The following ZNF438 variants were observed in gnomAD, a reference collection of about 807,000 sequenced individuals.
ZNF438 encodes the protein zinc finger protein 438.
A neutral mutation model predicts 38.0 loss-of-function variants in ZNF438; 25 were observed. That is an observed-to-expected ratio of 0.66 (90% CI 0.48 to 0.92). The LOEUF is 0.92. Ranked by LOEUF, ZNF438 falls within the 40% of genes least tolerant of loss-of-function variation. The probability of loss-of-function intolerance (pLI) is 0.00; values close to 1 mark genes in which losing one functional copy is unlikely to be tolerated. For missense variants in ZNF438, 1,007 were observed against 999.6 expected, an observed-to-expected ratio of 1.01 and a Z score of -0.10; for synonymous variants, 372 against 364.1, an observed-to-expected ratio of 1.02 and a Z score of -0.25.
At chr10:30,946,120 T>C (rs552523379) in intron 1 of ZNF438, among the ~76,000 whole-genome samples, 2 of 151,904 alleles carry the variant, frequency 1.3e-5, no homozygotes, top group African/African-American at 4.8e-5. Context: ...TGGTATCTCA[T>C]TGTGGTTTTG....
intron 1 of ZNF438, among the ~76,000 whole-genome samples, chr10:30,965,857 A>G (rs1039023138): frequency 3.9e-5 from 6 of 152,172 alleles, no homozygotes; most frequent in Admixed American, 3.9e-4. Flanking sequence ...CCCAAACCTT[A>G]GCATCACACA....
chr10:31,031,162 A>G (rs2057267287), intron 1 of ZNF438, among the ~76,000 whole-genome samples: 1 of 152,182 alleles, frequency 6.6e-6, no homozygotes, highest in South Asian at 2.1e-4. Context: ...TTCCCCTTCT[A>G]CAAGATTCCT....
At chr10:30,878,719 G>C (rs975310133) in intron 3 of ZNF438, among the ~76,000 whole-genome samples, 1 of 152,098 alleles carries the variant, frequency 6.6e-6, no homozygotes, top group African/African-American at 2.4e-5. Context: ...ATGCCCTCTG[G>C]GATTCTGGGG....
chr10:30,873,995 C>T (rs2037914454), intron 4 of ZNF438, among the ~76,000 whole-genome samples: 1 of 151,732 alleles, frequency 6.6e-6, no homozygotes, highest in Non-Finnish European at 1.5e-5. Context: ...AATCAATCTG[C>T]ATTTAATTAA....
chr10:30,882,803 C>T (rs540056734), intron 3 of ZNF438, among the ~76,000 whole-genome samples: 10 of 152,124 alleles, frequency 6.6e-5, no homozygotes, highest in African/African-American at 1.7e-4. Context: ...AGGGTATATA[C>T]GTATATCAAA....
At chr10:31,013,164 A>C (rs1192223316) in intron 1 of ZNF438, among the ~76,000 whole-genome samples, 1 of 151,844 alleles carries the variant, frequency 6.6e-6, no homozygotes, top group Non-Finnish European at 1.5e-5. Context: ...CTAAAAATAC[A>C]AAAAATTAGC....
At chr10:30,978,663 A>G (rs1031797155) in intron 1 of ZNF438, among the ~76,000 whole-genome samples, 2 of 152,164 alleles carry the variant, frequency 1.3e-5, no homozygotes, top group African/African-American at 4.8e-5. Flanking sequence ...ACTGTTTGTC[A>G]CCATACAGTA....
intron 3 of ZNF438, among the ~76,000 whole-genome samples, chr10:30,903,326 AG>A (rs1564613034): frequency 1.3e-5 from 2 of 152,228 alleles, no homozygotes. Context: ...AGAGCGAGTG[AG>A]GGCTGCCAGC....
intron 2 of ZNF438, among the ~76,000 whole-genome samples, chr10:30,917,324 A>G (rs2043762557): frequency 6.6e-6 from 1 of 152,146 alleles, no homozygotes; most frequent in Non-Finnish European, 1.5e-5. Flanking sequence ...TGTACTTCTC[A>G]TAAGAATCTT....
intron 1 of ZNF438, among the ~76,000 whole-genome samples, chr10:30,951,943 G>C (rs1374664872): frequency 6.6e-6 from 1 of 151,538 alleles, no homozygotes; most frequent in African/African-American, 2.4e-5. Flanking sequence ...GCATTGCCAA[G>C]TCAATCCTAA....
intron 5 of ZNF438, among the ~76,000 whole-genome samples, chr10:30,846,679 C>G (rs2032201690): frequency 6.6e-6 from 1 of 152,312 alleles, no homozygotes; most frequent in African/African-American, 2.4e-5. Flanking sequence ...GACCCAGGCA[C>G]CCCTGTGCTC....
At chr10:30,907,259 G>A (rs2042672124) in intron 3 of ZNF438, among the ~76,000 whole-genome samples, 1 of 152,160 alleles carries the variant, frequency 6.6e-6, no homozygotes, top group African/African-American at 2.4e-5. Flanking sequence ...ACAACTGTGA[G>A]CCACCACACC....
chr10:30,958,751 C>G lies in ZNF438; in HGVS notation c.-191-17100G>C, dbSNP rs185987866. 1.2e-4 allele frequency among the ~76,000 whole-genome samples: 17 copies of G among 147,040 alleles called. 2 individuals carry two copies. The East Asian group carries it at 1.7e-3, about 15-fold the overall frequency. On this transcript the variant is annotated intron_variant, in intron 1 of 5. Transcript: ENST00000413025. ...CTCCAACCCCTAGTTCCCCTCTAAT[C>G]TCCTTGCTAACTCAATCAGTTTCCC...
At chr10:30,901,921 G>A (rs1589104948) in intron 3 of ZNF438, among the ~76,000 whole-genome samples, 2 of 151,722 alleles carry the variant, frequency 1.3e-5, no homozygotes, top group South Asian at 2.1e-4. Context: ...GACTTTCGCT[G>A]TGAGTGTTAC....
chr10:31,001,140 T>C (rs1481206151), intron 1 of ZNF438, among the ~76,000 whole-genome samples: 1 of 152,226 alleles, frequency 6.6e-6, no homozygotes, highest in African/African-American at 2.4e-5. Flanking sequence ...TGGATGTCTG[T>C]CTTTCCTGTC....
chr10:30,981,747 G>A (rs553971496), intron 1 of ZNF438, among the ~76,000 whole-genome samples: 13 of 151,994 alleles, frequency 8.6e-5, no homozygotes, highest in South Asian at 6.2e-4. Context: ...GGCTGGTGGC[G>A]TGCACCTGTA....
At chr10:30,964,222 T>C (rs978527500) in intron 1 of ZNF438, among the ~76,000 whole-genome samples, 1 of 152,236 alleles carries the variant, frequency 6.6e-6, no homozygotes, top group Non-Finnish European at 1.5e-5. Flanking sequence ...CCCTTACTTA[T>C]AAATGTCAGA....
At chr10:30,929,466 A>G (rs2045368160) in intron 2 of ZNF438, among the ~76,000 whole-genome samples, 1 of 151,740 alleles carries the variant, frequency 6.6e-6, no homozygotes, top group East Asian at 1.9e-4. Flanking sequence ...TGGCCTCAGA[A>G]GTGAAGCTGC....
At chr10:31,022,019 A>C (rs138553612) in intron 1 of ZNF438, among the ~76,000 whole-genome samples, 56 of 152,324 alleles carry the variant, frequency 3.7e-4, no homozygotes, top group African/African-American at 1.3e-3. Context: ...ACCTGAAGGA[A>C]AATTTTTTAA....
Sources: allele counts gnomAD v4.1 joint callset (sites outside exome capture counted in the v4.1 genomes callset), GRCh38; gene constraint gnomAD v4.1.1; transcripts MANE v1.5; gene names NCBI Gene and HGNC (gene_info 2026-07-23, HGNC 2026-07-21).